The following ATP6V1D variants were observed in gnomAD, a reference collection of about 807,000 sequenced individuals.
ATP6V1D encodes the protein V-type proton ATPase subunit D.
Under a neutral mutation model 39.4 loss-of-function variants are expected in ATP6V1D, and 20 were observed. The observed-to-expected ratio is 0.51, with a 90% confidence interval of 0.36 to 0.74. The LOEUF (loss-of-function observed/expected upper bound fraction) is 0.74, where lower values mean the gene tolerates loss of function less well. ATP6V1D is among the 30% of genes least tolerant of loss of function. The pLI is 0.00. For missense variants in ATP6V1D, 228 were observed against 291.6 expected, an observed-to-expected ratio of 0.78 and a Z score of 1.59; for synonymous variants, 100 against 100.5, an observed-to-expected ratio of 0.99 and a Z score of 0.03.
In ATP6V1D at chr14:67,340,422, C is replaced by A. The variant is rs776358415; in HGVS notation, c.602+18G>T. The A allele has an allele frequency of 5.5e-5, 89 of 1,606,082 alleles. No individual in the cohort carries two copies. Among genetic ancestry groups the A allele is most frequent in the Admixed American group, 1.0e-4 (6 of 59,844 alleles). On this transcript the variant is annotated intron_variant, in intron 8 of 8. Coordinates refer to ENST00000216442, the MANE Select transcript of ATP6V1D (RefSeq NM_015994.4). The stretch of plus-strand genomic sequence containing the variant: ...ATGGAAAACAAAAGATGATCAATAA[C>A]TGCCAATTTCAACAAACCTATAGAA...
chr14:67,337,985 C>T lies in ATP6V1D; in HGVS notation c.*636G>A, dbSNP rs2085553091. The T allele has an allele frequency of 2.0e-5, 3 of 152,176 alleles. No individual in the cohort carries two copies. Among genetic ancestry groups the T allele is most frequent in the Non-Finnish European group, 2.9e-5 (2 of 68,036 alleles). The allele number at this position is 152,176 out of a possible 1,614,324, so 9.4% of individuals were successfully genotyped here. A position where few individuals can be genotyped will look rare whatever the true frequency, so the allele number is the denominator to read the frequency against. On this transcript the variant is annotated 3_prime_UTR_variant, in exon 9 of 9. Coordinates refer to ENST00000216442, the MANE Select transcript of ATP6V1D (RefSeq NM_015994.4). ...GGGAAAAATAGCTACCCACTTCCTA[C>T]ATGTCTGCAGAGAAAGCTCTGGCTG...
chr14:67,346,100 C>T (rs1205223891), intron 5 of ATP6V1D, among the ~76,000 whole-genome samples: 4 of 152,156 alleles, frequency 2.6e-5, no homozygotes, highest in Admixed American at 2.6e-4. Context: ...ACAAAGGAAG[C>T]TTTTAACCAA....
At chr14:67,350,518 G>A (rs997776021) in intron 3 of ATP6V1D, 93 bp downstream of exon 3, 17 of 1,095,066 alleles carry the variant, frequency 1.6e-5, no homozygotes, top group South Asian at 9.9e-5. Context: ...TGTCCTTAAC[G>A]CTTATTTCTA....
At chr14:67,359,195 A>T (rs945891188) in intron 1 of ATP6V1D, among the ~76,000 whole-genome samples, 1 of 152,230 alleles carries the variant, frequency 6.6e-6, no homozygotes, top group African/African-American at 2.4e-5. Context: ...TTCCATCCCC[A>T]CTTTGGCTTA....
chr14:67,349,228 T>G (rs1241056917), intron 3 of ATP6V1D, 124 bp from the exon 4 acceptor site: 2 of 936,012 alleles, frequency 2.1e-6, no homozygotes, highest in Non-Finnish European at 3.2e-6. Flanking sequence ...TATGTTTTGA[T>G]AACTGTCCTT....
intron 2 of ATP6V1D, among the ~76,000 whole-genome samples, chr14:67,352,513 G>A (rs1276814933): frequency 6.6e-6 from 1 of 152,046 alleles, no homozygotes; most frequent in Non-Finnish European, 1.5e-5. Context: ...ATAAGGAATT[G>A]TGAGAGAAGC....
At chr14:67,346,040 G>A (rs965250461) in intron 5 of ATP6V1D, among the ~76,000 whole-genome samples, 169 bp from the exon 6 acceptor site, 3 of 152,180 alleles carry the variant, frequency 2.0e-5, no homozygotes, top group African/African-American at 4.8e-5. Context: ...CACTATAGGA[G>A]CATGCTACTA....
intron 1 of ATP6V1D, among the ~76,000 whole-genome samples, chr14:67,356,447 A>T (rs574111750): frequency 7.1e-6 from 1 of 140,772 alleles, no homozygotes; most frequent in Non-Finnish European, 1.5e-5. Context: ...AAAAAAAAAA[A>T]CAAAAACAAA....
chr14:67,359,683 G>A lies in ATP6V1D; in HGVS notation c.16C>T (p.Arg6Ter), dbSNP rs765234254. 3 of 1,614,112 alleles carry A rather than the reference G, an allele frequency of 1.9e-6. No homozygotes were observed. The highest frequency in any genetic ancestry group is 2.5e-6 in the Non-Finnish European group (3 of 1,180,038). ...ATTCGCGAGGGAAAGATTTCAATTCGGTCTTTGCCCGACATTCTGACGATA... is the reference window on the plus strand; with the variant it reads ...ATTCGCGAGGGAAAGATTTCAATTCAGTCTTTGCCCGACATTCTGACGATA... MSGKD[R>*]IEIFPSRMAQ... Residue 6 changes from arginine to a stop codon, truncating the protein, a stop_gained, in exon 1 of 9, where the codon CGA becomes TGA. Transcript: ENST00000216442. LOFTEE classifies it high-confidence loss of function.
At position 67,352,927 on chromosome 14, in the gene ATP6V1D, A is replaced by C; in HGVS notation, c.155T>G (p.Ile52Arg). The C allele has an allele frequency of 6.2e-7, 1 of 1,600,122 alleles. No homozygotes were observed. The highest frequency in any genetic ancestry group is 8.6e-7 in the Non-Finnish European group (1 of 1,168,688). ...LRFRQILKKI[I>R]ETKMLMGEVM... ...TCTAAGAAAAGTTCATTCTACCTCTATTATCTTCTTTAGGATCTGTCGAAA... is the reference window on the plus strand; with the variant it reads ...TCTAAGAAAAGTTCATTCTACCTCTCTTATCTTCTTTAGGATCTGTCGAAA... Residue 52 changes from isoleucine (I) to arginine (R), a missense_variant, in exon 2 of 9, where the codon ATA (isoleucine) becomes AGA (arginine). By Grantham distance (97) the Ile-to-Arg change is moderately conservative (BLOSUM62 -3). Around this residue, in one of 3 missense-constraint regions of ATP6V1D, gnomAD observed 104 missense variants for 120.2 expected, o/e 0.87. Coordinates refer to ENST00000216442, the MANE Select transcript of ATP6V1D (RefSeq NM_015994.4).
At chr14:67,359,227 G>T (rs1020844057) in intron 1 of ATP6V1D, among the ~76,000 whole-genome samples, 1 of 152,160 alleles carries the variant, frequency 6.6e-6, no homozygotes, top group African/African-American at 2.4e-5. Context: ...TATATCCTCA[G>T]TAAACTTCCC....
chr14:67,344,510 G>T (rs2085606442), intron 6 of ATP6V1D, among the ~76,000 whole-genome samples: 1 of 152,094 alleles, frequency 6.6e-6, no homozygotes, highest in African/African-American at 2.4e-5. Flanking sequence ...GGAAAAAATG[G>T]TCTTCCATGC....
intron 1 of ATP6V1D, among the ~76,000 whole-genome samples, chr14:67,355,449 C>CAAAAAAAAAAAA (rs564931669): frequency 3.2e-4 from 6 of 18,960 alleles, no homozygotes; most frequent in East Asian, 1.7e-3. Context: ...GACCCTGTCT[C>CAAAAAAAAAAAA]AAAAAAAAAA....
intron 1 of ATP6V1D, among the ~76,000 whole-genome samples, chr14:67,359,019 G>C (rs1312104579): frequency 2.0e-5 from 3 of 152,212 alleles, no homozygotes. Flanking sequence ...ACAGCGTGAT[G>C]ACCGGTATTA....
rs767146743 is a variant in ATP6V1D at position 67,350,672 on chromosome 14, C to G, written c.178G>C (p.Glu60Gln). The change falls in exon 3 of 9, where the codon GAA (glutamate) becomes CAA (glutamine). Residue 60 changes from glutamate (E) to glutamine (Q), a missense_variant. By Grantham distance (29) the Glu-to-Gln change is conservative. Around this residue, in one of 3 missense-constraint regions of ATP6V1D, gnomAD observed 104 missense variants for 120.2 expected, o/e 0.87. Coordinates refer to ENST00000216442, the MANE Select transcript of ATP6V1D (RefSeq NM_015994.4). ...GAAAAGGCAGCTTCTCTCATCACTTCGCCCATCAACATTTTAGTCTGGAAA... is the reference window on the plus strand; with the variant it reads ...GAAAAGGCAGCTTCTCTCATCACTTGGCCCATCAACATTTTAGTCTGGAAA... ...KIIETKMLMG[E>Q]VMREAAFSLA... 6.2e-7 allele frequency: 1 copy of G among 1,613,372 alleles called. No homozygotes were observed. Among genetic ancestry groups the G allele is most frequent in the Admixed American group, 1.7e-5 (1 of 59,888 alleles).
chr14:67,345,501 G>T (rs1160013769), intron 6 of ATP6V1D, among the ~76,000 whole-genome samples: 1 of 152,062 alleles, frequency 6.6e-6, no homozygotes, highest in Non-Finnish European at 1.5e-5. Context: ...GTTGCAGTGA[G>T]CCGAGGTCGC....
intron 6 of ATP6V1D, among the ~76,000 whole-genome samples, chr14:67,345,039 C>T (rs949048605): frequency 2.6e-5 from 4 of 151,570 alleles, no homozygotes; most frequent in Non-Finnish European, 4.4e-5. Flanking sequence ...CCCAGGAGTT[C>T]GAGACCAGCC....
intron 7 of ATP6V1D, 86 bp from the exon 8 acceptor site, chr14:67,340,604 T>G (rs902061581): frequency 1.7e-6 from 2 of 1,148,264 alleles, no homozygotes; most frequent in African/African-American, 3.1e-5. Context: ...ACAGTTATTT[T>G]TTCCTAATTG....
chr14:67,353,126 C>G, intron 1 of ATP6V1D, 86 bp from the exon 2 acceptor site: 1 of 1,011,956 alleles, frequency 9.9e-7, no homozygotes, highest in Non-Finnish European at 1.5e-6. Context: ...TAAAATTATC[C>G]TTTATCCTTT....
Sources: allele counts gnomAD v4.1 joint callset (sites outside exome capture counted in the v4.1 genomes callset), GRCh38; gene constraint gnomAD v4.1.1; regional missense constraint gnomAD v4.1.1; transcripts MANE v1.5; gene names NCBI Gene and HGNC (gene_info 2026-07-23, HGNC 2026-07-21).